The following NR6A1 variants were observed in gnomAD, a reference collection of about 807,000 sequenced individuals.
The protein encoded by NR6A1 is retinoic acid receptor-related testis-associated receptor.
In NR6A1, 7 loss-of-function variants were observed where a neutral mutation model predicts 59.1. The ratio of observed to expected loss-of-function variants is 0.12; its 90% CI spans 0.07 to 0.22. NR6A1 has a LOEUF of 0.22. Ranked by LOEUF, NR6A1 falls within the 10% of genes least tolerant of loss-of-function variation. NR6A1 has a pLI of 1.00. For missense variants in NR6A1, 468 were observed against 611.6 expected (o/e 0.77, Z 2.48); for synonymous variants, 243 against 236.1 (o/e 1.03, Z -0.27).
At chr9:124,647,673 G>A (rs1279562277) in intron 2 of NR6A1, among the ~76,000 whole-genome samples, 2 of 147,320 alleles carry the variant, frequency 1.4e-5, no homozygotes, top group African/African-American at 2.6e-5. Context: ...GTTGCAGTGA[G>A]CCGAGATCAT....
intron 2 of NR6A1, among the ~76,000 whole-genome samples, chr9:124,606,877 C>G (rs1273371675): frequency 6.6e-6 from 1 of 152,222 alleles, no homozygotes; most frequent in Admixed American, 6.5e-5. Context: ...TTCCCTGCTA[C>G]TTTCTAAGTT....
At chr9:124,586,129 T>C (rs893703565) in intron 2 of NR6A1, among the ~76,000 whole-genome samples, 9 of 152,236 alleles carry the variant, frequency 5.9e-5, no homozygotes, top group Non-Finnish European at 1.0e-4. Context: ...CTTTCAAGTC[T>C]TATTATTTAA....
chr9:124,540,552 G>A (rs983776233), intron 4 of NR6A1, among the ~76,000 whole-genome samples: 2 of 152,104 alleles, frequency 1.3e-5, no homozygotes, highest in Non-Finnish European at 2.9e-5. Context: ...GCCAGGCATG[G>A]TGGCTCATGC....
chr9:124,690,934 G>A (rs1426645701), intron 2 of NR6A1, among the ~76,000 whole-genome samples: 1 of 152,132 alleles, frequency 6.6e-6, no homozygotes, highest in East Asian at 1.9e-4. Context: ...CTACCTTTCT[G>A]TAGTTTTTCA....
intron 1 of NR6A1, among the ~76,000 whole-genome samples, chr9:124,740,448 TTATA>T (rs1213729720): frequency 6.6e-6 from 1 of 151,232 alleles, no homozygotes; most frequent in Non-Finnish European, 1.5e-5. Flanking sequence ...AATTCAAGTC[TTATA>T]TAGTTTTAAA....
chr9:124,745,497 C>A (rs1444819930), intron 1 of NR6A1, among the ~76,000 whole-genome samples: 1 of 149,586 alleles, frequency 6.7e-6, no homozygotes, highest in Admixed American at 6.7e-5. Context: ...CATGGACAAA[C>A]CCCGTCTTTA....
chr9:124,608,473 CTA>C (rs1835638307), intron 2 of NR6A1, among the ~76,000 whole-genome samples: 1 of 152,120 alleles, frequency 6.6e-6, no homozygotes, highest in African/African-American at 2.4e-5. Flanking sequence ...GGACATAATC[CTA>C]TTCTTTTTTA....
At chr9:124,644,514 A>C (rs938320049) in intron 2 of NR6A1, among the ~76,000 whole-genome samples, 1 of 152,104 alleles carries the variant, frequency 6.6e-6, no homozygotes, top group Non-Finnish European at 1.5e-5. Context: ...AGCTTCCCAA[A>C]GTGCTGGAAT....
intron 2 of NR6A1, among the ~76,000 whole-genome samples, chr9:124,576,768 T>A (rs1834608971): frequency 6.6e-6 from 1 of 152,190 alleles, no homozygotes; most frequent in African/African-American, 2.4e-5. Flanking sequence ...ATCAATAACT[T>A]TAGTCTGGGC....
chr9:124,658,652 T>G (rs1837331789), intron 2 of NR6A1: 1 of 152,220 alleles, frequency 6.6e-6, no homozygotes, highest in African/African-American at 2.4e-5. Flanking sequence ...CGTTGCTGCT[T>G]TCTCCCATCA....
rs539894181 is a variant in NR6A1 at position 124,603,990 on chromosome 9, T to C, written c.143-49420A>G. Among the ~76,000 whole-genome samples, 6 of 152,296 alleles carry C rather than the reference T, an allele frequency of 3.9e-5. No individual in the cohort carries two copies. In the East Asian group the frequency reaches 9.6e-4, roughly 24 times the overall value. On this transcript the variant is annotated intron_variant, in intron 2 of 9. Coordinates refer to ENST00000487099, the MANE Select transcript of NR6A1 (RefSeq NM_033334.4). ...GCACCAGTTCTATCCCTTTCCACTC[T>C]ACTAAAAATTGAACTCTCTAAGGAT...
chr9:124,747,066 T>A (rs1840354329), intron 1 of NR6A1, among the ~76,000 whole-genome samples: 1 of 151,964 alleles, frequency 6.6e-6, no homozygotes, highest in Non-Finnish European at 1.5e-5. Flanking sequence ...AGAATGTAAA[T>A]ACAGACACAT....
At chr9:124,631,688 C>A (rs1212415939) in intron 2 of NR6A1, among the ~76,000 whole-genome samples, 1 of 152,038 alleles carries the variant, frequency 6.6e-6, no homozygotes, top group African/African-American at 2.4e-5. Flanking sequence ...TCAGGGGTAC[C>A]TGTGCAGAAT....
At chr9:124,606,575 T>C (rs551041998) in intron 2 of NR6A1, among the ~76,000 whole-genome samples, 1 of 152,362 alleles carries the variant, frequency 6.6e-6, no homozygotes, top group East Asian at 1.9e-4. Context: ...AAATAGCAAC[T>C]ATACAACATG....
intron 1 of NR6A1, among the ~76,000 whole-genome samples, chr9:124,736,585 T>C (rs1419424620): frequency 2.0e-5 from 3 of 152,188 alleles, no homozygotes; most frequent in Non-Finnish European, 4.4e-5. Context: ...GGTGCATGCC[T>C]GTAATCCCAG....
chr9:124,721,217 ACTAT>A (rs2131096438), intron 2 of NR6A1, among the ~76,000 whole-genome samples: 1 of 152,344 alleles, frequency 6.6e-6, no homozygotes, highest in Non-Finnish European at 1.5e-5. Flanking sequence ...TTTGAATGCA[ACTAT>A]CTTTTCATCA....
At chr9:124,612,509 C>T (rs1209252178) in intron 2 of NR6A1, among the ~76,000 whole-genome samples, 1 of 152,168 alleles carries the variant, frequency 6.6e-6, no homozygotes, top group Non-Finnish European at 1.5e-5. Flanking sequence ...CTTAAAATAG[C>T]ACTGCACCTA....
intron 2 of NR6A1, among the ~76,000 whole-genome samples, chr9:124,583,339 G>T (rs1053374421): frequency 6.6e-6 from 1 of 152,048 alleles, no homozygotes; most frequent in Non-Finnish European, 1.5e-5. Context: ...CCACTTAACC[G>T]AGGCCTCTCC....
chr9:124,617,155 A>T lies in NR6A1; in HGVS notation c.143-62585T>A, dbSNP rs1835919022. 2.6e-5 allele frequency among the ~76,000 whole-genome samples: 4 copies of T among 152,316 alleles called. No individual in the cohort carries two copies. In the South Asian group the frequency reaches 8.3e-4, roughly 32 times the overall value. ...CACCCAGTCAATCTGCAAGTCACTC[A>T]TTCTAGATTTCAGCCAGGCTGCCAA... On this transcript the variant is annotated intron_variant, in intron 2 of 9. Coordinates refer to ENST00000487099, the MANE Select transcript of NR6A1 (RefSeq NM_033334.4).
Sources: allele counts gnomAD v4.1 joint callset (sites outside exome capture counted in the v4.1 genomes callset), GRCh38; gene constraint gnomAD v4.1.1; transcripts MANE v1.5; gene names NCBI Gene and HGNC (gene_info 2026-07-23, HGNC 2026-07-21).